ANKS1A: variants seen among roughly 807,000 people sequenced by gnomAD.
The protein encoded by ANKS1A is ankyrin repeat and SAM domain-containing protein 1A.
A neutral mutation model predicts 120.3 loss-of-function variants in ANKS1A; 55 were observed. The observed-to-expected ratio is 0.46, with a 90% CI of 0.37 to 0.57. ANKS1A has a LOEUF of 0.57. Among genes scored for constraint, ANKS1A ranks in the 20% least tolerant of loss-of-function variants. The pLI is 0.00. For missense variants in ANKS1A, 1,123 were observed against 1,480.3 expected, an observed-to-expected ratio of 0.76 and a Z score of 3.96; for synonymous variants, 590 against 604.7, an observed-to-expected ratio of 0.98 and a Z score of 0.36.
chr6:35,005,886 C>G (rs1773421437), intron 10 of ANKS1A: 1 of 352,378 alleles, frequency 2.8e-6, no homozygotes, highest in East Asian at 9.4e-5. Flanking sequence ...AACCCCACCT[C>G]TACTAAATAT....
At chr6:34,912,326 G>A (rs376986380) in intron 1 of ANKS1A, among the ~76,000 whole-genome samples, 2 of 152,178 alleles carry the variant, frequency 1.3e-5, no homozygotes, top group East Asian at 3.9e-4. Context: ...TGTGTAGACT[G>A]TGTCCTCATC....
intron 11 of ANKS1A, among the ~76,000 whole-genome samples, chr6:35,040,858 G>C (rs1053114868): frequency 6.6e-6 from 1 of 152,210 alleles, no homozygotes; most frequent in Non-Finnish European, 1.5e-5. Flanking sequence ...CTCTCCCGTA[G>C]ACCTCAGGGA....
chr6:34,988,554 C>T lies in ANKS1A; in HGVS notation c.1210-670C>T, dbSNP rs143304708. Among the ~76,000 whole-genome samples, 1,167 of 152,306 alleles carry T rather than the reference C, an allele frequency of 7.7e-3. 17 individuals carry two copies. The highest frequency in any genetic ancestry group is 0.024 in the African/African-American group (1,006 of 41,568). ...GAGCTTGCAGTGAGCCGAGATCGCG[C>T]CACTGCACTTCAGCCTGGGCGACAG... On this transcript the variant is annotated intron_variant, in intron 8 of 23. Coordinates refer to ENST00000360359, the MANE Select transcript of ANKS1A (RefSeq NM_015245.3).
At chr6:35,036,481 C>T (rs1001310889) in intron 11 of ANKS1A, among the ~76,000 whole-genome samples, 4 of 152,242 alleles carry the variant, frequency 2.6e-5, no homozygotes, top group East Asian at 1.9e-4. Context: ...CCTTTGACAG[C>T]GCCCAAACCT....
intron 10 of ANKS1A, among the ~76,000 whole-genome samples, chr6:35,011,524 T>A (rs908621844): frequency 1.3e-5 from 2 of 152,052 alleles, no homozygotes; most frequent in Non-Finnish European, 2.9e-5. Flanking sequence ...CAAGACCAAG[T>A]CAATGTGAAA....
At chr6:34,981,631 C>T in intron 3 of ANKS1A, 59 bp from the exon 4 acceptor site, 1 of 1,562,170 alleles carries the variant, frequency 6.4e-7, no homozygotes. Flanking sequence ...GTGGTTGTCC[C>T]AGTCAGGTGC....
chr6:35,024,953 T>G (rs1371784283), intron 11 of ANKS1A, among the ~76,000 whole-genome samples: 1 of 152,068 alleles, frequency 6.6e-6, no homozygotes, highest in Non-Finnish European at 1.5e-5. Context: ...TGCTGTGTAG[T>G]CTTTTGTGCT....
intron 1 of ANKS1A, among the ~76,000 whole-genome samples, chr6:34,899,571 G>A (rs1246716369): frequency 6.6e-6 from 1 of 152,118 alleles, no homozygotes; most frequent in African/African-American, 2.4e-5. Context: ...CAGTCTGGAC[G>A]CAAATTTATT....
intron 16 of ANKS1A, among the ~76,000 whole-genome samples, chr6:35,080,531 T>C (rs751498615): frequency 3.3e-5 from 5 of 152,104 alleles, no homozygotes; most frequent in Non-Finnish European, 5.9e-5. Context: ...CTCAGGGGCT[T>C]CGTGAAGTGG....
In ANKS1A at chr6:35,058,613, C is replaced by T. The variant is rs1776329537; in HGVS notation, c.2078-1534C>T. The T allele has an allele frequency of 6.6e-6, 1 of 152,338 alleles. No homozygotes were observed. Among genetic ancestry groups the T allele is most frequent in the Admixed American group, 6.5e-5 (1 of 15,288 alleles). The allele number at this position is 152,338 out of a possible 1,614,324, so 9.4% of individuals were successfully genotyped here. A position where few individuals can be genotyped will look rare whatever the true frequency, so the allele number is the denominator to read the frequency against. On this transcript the variant is annotated intron_variant, in intron 12 of 23. Transcript: ENST00000360359. The surrounding 1 kb of genome is among the most constrained non-coding windows in gnomAD (Gnocchi z 5.1). ...ACCAAGGAAGTTGGCATTGTCCTGC[C>T]CCAAGGGGCAGAAAGTACCTGGGAA...
At chr6:35,016,635 G>A (rs1774018610) in intron 10 of ANKS1A, among the ~76,000 whole-genome samples, 2 of 152,060 alleles carry the variant, frequency 1.3e-5, no homozygotes, top group African/African-American at 4.8e-5. Flanking sequence ...GGGAAGTCTC[G>A]AGAGAACTGC....
intron 10 of ANKS1A, among the ~76,000 whole-genome samples, chr6:35,015,413 C>T (rs148645291): frequency 0.011 from 1,721 of 152,214 alleles, 38 homozygotes; most frequent in African/African-American, 0.036. Context: ...ATGGGAGAAT[C>T]GCTTGAACCC....
chr6:35,011,726 T>C (rs1166111040), intron 10 of ANKS1A, among the ~76,000 whole-genome samples: 1 of 152,226 alleles, frequency 6.6e-6, no homozygotes, highest in African/African-American at 2.4e-5. Context: ...TCAGTCTCCT[T>C]TGCAGAGTCA....
chr6:34,989,036 A>G (rs979694311), intron 8 of ANKS1A, among the ~76,000 whole-genome samples, 188 bp from the exon 9 acceptor site: 2 of 152,212 alleles, frequency 1.3e-5, no homozygotes, highest in Non-Finnish European at 2.9e-5. Context: ...ACCATAGAGC[A>G]TGCTAATTGA....
Position 34,937,034 on chromosome 6 carries a change from T to TATAC in ANKS1A, c.198-30193_198-30190dup, listed in dbSNP as rs1215835776. 5.9e-5 allele frequency among the ~76,000 whole-genome samples: 9 copies of TATAC among 152,300 alleles called. No individual in the cohort carries two copies. In the East Asian group the frequency reaches 1.2e-3, roughly 20 times the overall value. ...TGTTACATACATACATATACATTCC[T>TATAC]ATACATACATACATATTACATCCTT... is the stretch of plus-strand genomic sequence containing the variant. On this transcript the variant is annotated intron_variant, in intron 1 of 23. Coordinates refer to ENST00000360359, the MANE Select transcript of ANKS1A (RefSeq NM_015245.3).
rs531791068 is a variant in ANKS1A, at chr6:35,045,691, G to A, written c.2011-8408G>A. On this transcript the variant is annotated intron_variant, in intron 11 of 23. Transcript: ENST00000360359. ...ATGGCTAGTGCTGTGATCCACGGAC[G>A]TTATTTTGATTTTCTCATGTTTGCT... Among the ~76,000 whole-genome samples, 14 of 152,290 alleles carry A rather than the reference G, an allele frequency of 9.2e-5. No individual in the cohort carries two copies. The South Asian group carries it at 1.2e-3, about 14-fold the overall frequency.
downstream of ANKS1A, among the ~76,000 whole-genome samples, chr6:35,096,345 G>A (rs962278788): frequency 4.6e-5 from 7 of 152,218 alleles, no homozygotes; most frequent in African/African-American, 7.2e-5. Context: ...TTTCTGGGAT[G>A]AGGACAAGGG....
At chr6:34,893,024 T>C (rs1375667217) in intron 1 of ANKS1A, among the ~76,000 whole-genome samples, 1 of 152,214 alleles carries the variant, frequency 6.6e-6, no homozygotes. Flanking sequence ...TTAAGACCAC[T>C]TGTTTTTGTG....
intron 11 of ANKS1A, among the ~76,000 whole-genome samples, chr6:35,026,756 C>T (rs1346238942): frequency 6.6e-6 from 1 of 152,140 alleles, no homozygotes. Context: ...TTAATATTGT[C>T]TTACAAATAT....
Sources: allele counts gnomAD v4.1 joint callset (sites outside exome capture counted in the v4.1 genomes callset), GRCh38; gene constraint gnomAD v4.1.1; non-coding constraint Gnocchi (gnomAD v3.1); transcripts MANE v1.5; gene names NCBI Gene and HGNC (gene_info 2026-07-23, HGNC 2026-07-21).